The following ZNF749 variants were observed in gnomAD, a reference collection of about 807,000 sequenced individuals.
The protein encoded by ZNF749 is zinc finger protein 749.
In ZNF749, 8 loss-of-function variants were observed where a neutral mutation model predicts 7.3. The ratio of observed to expected loss-of-function variants is 1.10; its 90% CI spans 0.64 to 1.98. ZNF749 has a LOEUF of 1.98. ZNF749 is among the 30% of genes most tolerant of loss of function. ZNF749 has a pLI of 0.00. For synonymous variants in ZNF749, 310 were observed against 322.4 expected, an observed-to-expected ratio of 0.96 and a Z score of 0.41; for missense variants, 898 against 932.4, an observed-to-expected ratio of 0.96 and a Z score of 0.48.
intron 2 of ZNF749, 51 bp from the exon 3 acceptor site, chr19:57,443,240 C>A: frequency 1.3e-6 from 2 of 1,491,312 alleles, no homozygotes; most frequent in Non-Finnish European, 1.8e-6. Flanking sequence ...ATGGGGCTGT[C>A]TCCTCCCTCC....
At position 57,439,020 on chromosome 19, in the gene ZNF749, G is replaced by A. The variant is rs950821889; in HGVS notation, c.16-2865G>A. On this transcript the variant is annotated intron_variant, in intron 1 of 2. Coordinates refer to ENST00000334181, the MANE Select transcript of ZNF749 (RefSeq NM_001023561.4). This position sits in a 1 kb window ranked among gnomAD's most constrained non-coding sequence, Gnocchi z 4.3. ...GGGCATGCGGGATCGGCATGGAATG[G>A]CAGTCTAAGGTTCTGGGCCTTTCAT... Among the ~76,000 whole-genome samples the A allele has an allele frequency of 6.6e-6, 1 of 152,180 alleles. No homozygotes were observed. The highest frequency in any genetic ancestry group is 2.4e-5 in the African/African-American group (1 of 41,422).
chr19:57,443,850 G>T lies in ZNF749; in HGVS notation c.702G>T (p.Arg234Ser). The T allele has an allele frequency of 6.2e-7, 1 of 1,613,788 alleles. No individual in the cohort carries two copies. Residue 234 changes from arginine to serine, a missense_variant, in exon 3 of 3, where the codon AGG (arginine) becomes AGT (serine). Transcript: ENST00000334181. ...YEFSECGELF[R>S]YNSNLIKYQQ... ...TCAGTGAATGTGGGGAATTGTTTAG[G>T]TACAACTCCAACCTTATTAAATATC...
At position 57,445,565 on chromosome 19, in the gene ZNF749, A is replaced by G. The variant is rs1282426415; in HGVS notation, c.*80A>G. On this transcript the variant is annotated 3_prime_UTR_variant, in exon 3 of 3. Coordinates refer to ENST00000334181, the MANE Select transcript of ZNF749 (RefSeq NM_001023561.4). Reference sequence around the variant, plus strand: ...TTCACATCGGACCAAGAACCTATTAATATATGTAAATCTAATGTTGAAAGA... The same window carrying G: ...TTCACATCGGACCAAGAACCTATTAGTATATGTAAATCTAATGTTGAAAGA... The G allele has an allele frequency of 5.3e-6, 8 of 1,516,434 alleles. No homozygotes were observed. In the Admixed American group the frequency reaches 1.6e-4, roughly 30 times the overall value. The allele number at this position is 1,516,434 out of a possible 1,614,324, so 93.9% of individuals were successfully genotyped here. A position where few individuals can be genotyped will look rare whatever the true frequency, so the allele number is the denominator to read the frequency against.
rs2089006744 is a variant in ZNF749, at chr19:57,442,904, G to A, written c.143-387G>A. On this transcript the variant is annotated intron_variant, in intron 2 of 2. Transcript: ENST00000334181. The surrounding 1 kb of genome is among the most constrained non-coding windows in gnomAD (Gnocchi z 6.6). ...CTCTCCCTTTGCAGTGCTGTCTAAT[G>A]TATGACCTGTACTTTAGGTGTTATG... is the stretch of plus-strand genomic sequence containing the variant. Among the ~76,000 whole-genome samples the A allele has an allele frequency of 6.6e-6, 1 of 152,066 alleles. No homozygotes were observed. Among genetic ancestry groups the A allele is most frequent in the African/African-American group, 2.4e-5 (1 of 41,372 alleles).
chr19:57,429,402 T>C, the ZNF749 span, among the ~76,000 whole-genome samples: 1 of 152,238 alleles, frequency 6.6e-6, no homozygotes, highest in African/African-American at 2.4e-5. This position sits in a 1 kb window ranked among gnomAD's most constrained non-coding sequence, Gnocchi z 4.2. Context: ...CATGAAGCCC[T>C]ACTTTAATTT....
upstream of ZNF749, among the ~76,000 whole-genome samples, chr19:57,431,693 G>T (rs1412462786): frequency 6.6e-6 from 1 of 152,018 alleles, no homozygotes; most frequent in East Asian, 1.9e-4. Context: ...GAAGATAAGA[G>T]AATCTTATCC....
chr19:57,431,970 A>G (rs1183380658), upstream of ZNF749, among the ~76,000 whole-genome samples: 1 of 152,052 alleles, frequency 6.6e-6, no homozygotes, highest in Non-Finnish European at 1.5e-5. Flanking sequence ...TTATAGGCGC[A>G]TGCCTGGCCA....
At chr19:57,435,261 G>A (rs2088922199), upstream of ZNF749, 1 of 516,914 alleles carries the variant, frequency 1.9e-6, no homozygotes, top group South Asian at 2.2e-5. Context: ...CGGGGGCAGG[G>A]CAGCGAGTGT....
At position 57,438,336 on chromosome 19, in the gene ZNF749, G is replaced by A. The variant is rs541490051; in HGVS notation, c.15+2743G>A. 27 of 335,676 alleles carry A rather than the reference G, an allele frequency of 8.0e-5. No homozygotes were observed. The South Asian group carries it at 2.2e-3, about 27-fold the overall frequency. The allele number at this position is 335,676 out of a possible 1,614,324, so 20.8% of individuals were successfully genotyped here. On this transcript the variant is annotated intron_variant, in intron 1 of 2. Coordinates refer to ENST00000334181, the MANE Select transcript of ZNF749 (RefSeq NM_001023561.4). ...TGATCAATTAAGCAGCTGACCAGTC[G>A]TTACCTCCTCCTCCCTTTCATCCTA...
At chr19:57,428,614 A>T in the ZNF749 span, 1 of 151,650 alleles carries the variant, frequency 6.6e-6, no homozygotes, top group Admixed American at 6.6e-5. Context: ...TACTGTTATT[A>T]TTATTTTGAC....
rs768847684 is a variant in ZNF749 at position 57,442,191 on chromosome 19, T to G, written c.142+180T>G. 2.0e-5 allele frequency among the ~76,000 whole-genome samples: 3 copies of G among 152,202 alleles called. No homozygotes were observed. Among genetic ancestry groups the G allele is most frequent in the Non-Finnish European group, 2.9e-5 (2 of 68,036 alleles). On this transcript the variant is annotated intron_variant, in intron 2 of 2. Transcript: ENST00000334181. The surrounding 1 kb of genome is among the most constrained non-coding windows in gnomAD (Gnocchi z 6.6). Reference sequence around the variant, plus strand: ...CTGTGTATACTGTACCACCTCCCCTTAAGCAGCCCCAGCTTCTGTTGCTCT... The same window carrying G: ...CTGTGTATACTGTACCACCTCCCCTGAAGCAGCCCCAGCTTCTGTTGCTCT...
At chr19:57,434,023 G>A (rs2088912642), upstream of ZNF749, among the ~76,000 whole-genome samples, 1 of 152,116 alleles carries the variant, frequency 6.6e-6, no homozygotes, top group African/African-American at 2.4e-5. Flanking sequence ...CAGGAGCTGA[G>A]GCCTTATCAT....
Position 57,444,148 on chromosome 19 carries a change from T to G in ZNF749, c.1000T>G (p.Phe334Val), listed in dbSNP as rs1454480586. ...QPYECNKCGK[F>V]FMYNSKLIRH... is the part of the protein sequence containing the mutation. Reference sequence around the variant, plus strand: ...CTATGAATGCAACAAGTGTGGGAAGTTTTTTATGTATAACTCCAAACTCAT... The same window carrying G: ...CTATGAATGCAACAAGTGTGGGAAGGTTTTTATGTATAACTCCAAACTCAT... Residue 334 changes from phenylalanine to valine, a missense_variant, in exon 3 of 3, where the codon TTT becomes GTT. Transcript: ENST00000334181. 1 of 1,613,336 alleles carries G rather than the reference T, an allele frequency of 6.2e-7. No individual in the cohort carries two copies. Among genetic ancestry groups the G allele is most frequent in the South Asian group, 1.1e-5 (1 of 91,036 alleles).
At chr19:57,431,172 T>A (rs540692512), upstream of ZNF749, among the ~76,000 whole-genome samples, 2 of 152,288 alleles carry the variant, frequency 1.3e-5, no homozygotes, top group South Asian at 4.2e-4. Context: ...ATGGCTTTAT[T>A]CAAGGAAATT....
rs536439765 is a variant in ZNF749, at chr19:57,442,072, A to G, written c.142+61A>G. 10 of 1,586,598 alleles carry G rather than the reference A, an allele frequency of 6.3e-6. No homozygotes were observed. Among genetic ancestry groups the G allele is most frequent in the African/African-American group, 2.7e-5 (2 of 73,722 alleles). The stretch of plus-strand genomic sequence containing the variant: ...GGGTGCTGTTTTTTTGCTCTTTTCC[A>G]TGACAACTCTGTCTTTCCCACACCA... On this transcript the variant is annotated intron_variant, in intron 2 of 2. Coordinates refer to ENST00000334181, the MANE Select transcript of ZNF749 (RefSeq NM_001023561.4). This position sits in a 1 kb window ranked among gnomAD's most constrained non-coding sequence, Gnocchi z 6.6.
chr19:57,435,363 A>G lies in ZNF749; in HGVS notation c.-216A>G, dbSNP rs1441345251. 3 of 658,540 alleles carry G rather than the reference A, an allele frequency of 4.6e-6. No homozygotes were observed. Among genetic ancestry groups the G allele is most frequent in the African/African-American group, 1.8e-5 (1 of 54,768 alleles). The allele number at this position is 658,540 out of a possible 1,614,324, so 40.8% of individuals were successfully genotyped here. A position where few individuals can be genotyped will look rare whatever the true frequency, so the allele number is the denominator to read the frequency against. On this transcript the variant is annotated 5_prime_UTR_variant, in exon 1 of 3. Transcript: ENST00000334181. ...CCCTCATGGTTGCGTTAGCATGGCT[A>G]CCTAGGGATCTGTTCACTGATTTAG...
rs1176046265 is a variant in ZNF749 at position 57,442,449 on chromosome 19, T to C, written c.142+438T>C. The stretch of plus-strand genomic sequence containing the variant: ...TTGTGAAGTTATTTCTGCAGGACGC[T>C]CTACTGGGTGTTCTGGTAGCTTTAG... On this transcript the variant is annotated intron_variant, in intron 2 of 2. Coordinates refer to ENST00000334181, the MANE Select transcript of ZNF749 (RefSeq NM_001023561.4). The surrounding 1 kb of genome is among the most constrained non-coding windows in gnomAD (Gnocchi z 6.6). Among the ~76,000 whole-genome samples the C allele has an allele frequency of 3.3e-5, 5 of 152,196 alleles. No homozygotes were observed.
chr19:57,445,209 T>C lies in ZNF749; in HGVS notation c.2061T>C (p.His687=), dbSNP rs2089049071. The part of the protein sequence containing the change: ...LRYRSTFIKH[H]KVCTGEKPHE... ...ACCGCTCTACATTCATTAAACATCA[T>C]AAAGTTTGCACTGGGGAGAAGCCTC... Residue 687 remains histidine, a synonymous_variant, in exon 3 of 3, where the codon CAT becomes CAC. Transcript: ENST00000334181. The C allele has an allele frequency of 1.9e-6, 3 of 1,614,058 alleles. No homozygotes were observed. Among genetic ancestry groups the C allele is most frequent in the Non-Finnish European group, 2.5e-6 (3 of 1,179,944 alleles).
Position 57,447,030 on chromosome 19 carries a change from T to C in ZNF749, c.*1545T>C, listed in dbSNP as rs2089072818. Reference sequence around the variant, plus strand: ...TTACTGTACCCTATTGTAGATGTTATAAACATTGTACACTTAGGCTACTCT... The same window carrying C: ...TTACTGTACCCTATTGTAGATGTTACAAACATTGTACACTTAGGCTACTCT... On this transcript the variant is annotated 3_prime_UTR_variant, in exon 3 of 3. Transcript: ENST00000334181. 6.6e-6 allele frequency among the ~76,000 whole-genome samples: 1 copy of C among 152,202 alleles called. No homozygotes were observed. Among genetic ancestry groups the C allele is most frequent in the Admixed American group, 6.5e-5 (1 of 15,280 alleles).
Sources: allele counts gnomAD v4.1 joint callset (sites outside exome capture counted in the v4.1 genomes callset), GRCh38; gene constraint gnomAD v4.1.1; non-coding constraint Gnocchi (gnomAD v3.1); transcripts MANE v1.5; gene names NCBI Gene and HGNC (gene_info 2026-07-23, HGNC 2026-07-21).